The following RAP1GAP variants were observed in gnomAD, a reference collection of about 807,000 sequenced individuals.
RAP1GAP encodes the protein rap1 GTPase-activating protein 1.
A neutral mutation model predicts 87.2 loss-of-function variants in RAP1GAP; 35 were observed. That is an observed-to-expected ratio of 0.40 (90% CI 0.31 to 0.53). The LOEUF (loss-of-function observed/expected upper bound fraction) is 0.53, where lower values mean the gene tolerates loss of function less well. Ranked by LOEUF, RAP1GAP falls within the 20% of genes least tolerant of loss-of-function variation. The pLI is 0.48. For synonymous variants in RAP1GAP, 375 were observed against 363.9 expected (o/e 1.03, Z -0.35); for missense variants, 734 against 898.9 (o/e 0.82, Z 2.35).
chr1:21,652,379 C>T (rs1488634065), intron 1 of RAP1GAP, among the ~76,000 whole-genome samples: 3 of 152,340 alleles, frequency 2.0e-5, no homozygotes, highest in African/African-American at 7.2e-5. Context: ...GCGCTCGGCC[C>T]AGGCCCTGGC....
chr1:21,598,471 T>C lies in RAP1GAP; in HGVS notation c.1808A>G (p.Lys603Arg), dbSNP rs369549227. The change falls in exon 22 of 25, where the codon AAG (lysine) becomes AGG (arginine). Residue 603 changes from lysine to arginine, a missense_variant. Transcript: ENST00000374765. ...CGTGCTATAGATGAAGGAGTCCCGC[T>C]TGTGGGGTGTTCCTGAGGATGACAC... Reference protein sequence around the residue: ...ESVSSSGTPHKRDSFIYSTWL... With the variant: ...ESVSSSGTPHRRDSFIYSTWL... 8.7e-6 allele frequency: 14 copies of C among 1,613,828 alleles called. No individual in the cohort carries two copies. Among genetic ancestry groups the C allele is most frequent in the Non-Finnish European group, 1.2e-5 (14 of 1,179,848 alleles).
intron 2 of RAP1GAP, among the ~76,000 whole-genome samples, chr1:21,648,134 A>G (rs922619181): frequency 1.3e-5 from 2 of 152,178 alleles, no homozygotes; most frequent in Admixed American, 6.5e-5. Context: ...CGGGCAAGGC[A>G]TTTTGGGTAA....
chr1:21,611,611 A>G (rs2078365812), intron 12 of RAP1GAP, 30 bp from the exon 13 acceptor site: 8 of 1,613,830 alleles, frequency 5.0e-6, no homozygotes, highest in African/African-American at 1.3e-5. Flanking sequence ...GCCACGCCTC[A>G]GTCTCCAGCC....
intron 17 of RAP1GAP, 34 bp downstream of exon 17, chr1:21,608,179 T>C: frequency 6.2e-7 from 1 of 1,610,274 alleles, no homozygotes; most frequent in Non-Finnish European, 8.5e-7. Flanking sequence ...GCCACGTCCC[T>C]GCTCCCCGGC....
intron 5 of RAP1GAP, 98 bp from the exon 6 acceptor site, chr1:21,618,070 G>A (rs570833823): frequency 3.3e-5 from 48 of 1,451,630 alleles, no homozygotes; most frequent in African/African-American, 1.7e-4. Flanking sequence ...CTGAGAGTGC[G>A]GATGGGGCCC....
rs200181937 is a variant in RAP1GAP, at chr1:21,609,670, T to C, written c.1000-24A>G. 5 of 1,539,264 alleles carry C rather than the reference T, an allele frequency of 3.2e-6. No homozygotes were observed. The highest frequency in any genetic ancestry group is 1.4e-5 in the African/African-American group (1 of 72,286). ...ACCTGGAAGGGAGGGCAGCTGTCTG[T>C]TCCTGTGGAGCCTGGGGTCTGCTCT... On this transcript the variant is annotated intron_variant, in intron 14 of 24. Transcript: ENST00000374765. This position sits in a 1 kb window ranked among gnomAD's most constrained non-coding sequence, Gnocchi z 4.4.
chr1:21,624,602 C>T (rs2090942089), intron 3 of RAP1GAP, among the ~76,000 whole-genome samples: 1 of 152,100 alleles, frequency 6.6e-6, no homozygotes, highest in Non-Finnish European at 1.5e-5. Flanking sequence ...CATTCAGTCT[C>T]TCTAGCCCCT....
At chr1:21,605,914 T>A in intron 18 of RAP1GAP, 152 bp downstream of exon 18, 1 of 1,017,480 alleles carries the variant, frequency 9.8e-7, no homozygotes, top group Non-Finnish European at 1.4e-6. Flanking sequence ...CCCCCTCCCA[T>A]GGAAAGTAGT....
intron 18 of RAP1GAP, among the ~76,000 whole-genome samples, chr1:21,605,825 G>T (rs1235441985): frequency 6.6e-6 from 1 of 152,262 alleles, no homozygotes; most frequent in Non-Finnish European, 1.5e-5. Flanking sequence ...GCCAGGAGGA[G>T]GGGAGGGCCA....
chr1:21,610,920 G>C (rs949239411), intron 13 of RAP1GAP, among the ~76,000 whole-genome samples: 3 of 152,230 alleles, frequency 2.0e-5, no homozygotes, highest in Non-Finnish European at 4.4e-5. Flanking sequence ...TGGGAAGGCA[G>C]ATAGCCCTGT....
In RAP1GAP at chr1:21,622,781, A is replaced by T. The variant is rs1049419375; in HGVS notation, c.-18-2731T>A. 1.2e-4 allele frequency: 18 copies of T among 151,636 alleles called. No individual in the cohort carries two copies. The highest frequency in any genetic ancestry group is 3.9e-4 in the Admixed American group (6 of 15,278). 9.4% of individuals were successfully genotyped at this position (151,636 alleles called of 1,614,324 possible). On this transcript the variant is annotated intron_variant, in intron 3 of 24. Coordinates refer to ENST00000374765, the MANE Select transcript of RAP1GAP (RefSeq NM_002885.4). The surrounding 1 kb of genome is among the most constrained non-coding windows in gnomAD (Gnocchi z 5.7). ...GTTCTCCCCAGCGCGCCCCCACCTCACTTTCTCCATCTTCCCAGGCTCTGG... is the reference window on the plus strand; with the variant it reads ...GTTCTCCCCAGCGCGCCCCCACCTCTCTTTCTCCATCTTCCCAGGCTCTGG...
Position 21,634,145 on chromosome 1 carries a change from C to T in RAP1GAP, c.-112-7748G>A, listed in dbSNP as rs1266463242. On this transcript the variant is annotated intron_variant, in intron 2 of 24. Transcript: ENST00000374765. The surrounding 1 kb of genome is among the most constrained non-coding windows in gnomAD (Gnocchi z 4.1). Reference sequence around the variant, plus strand: ...TCCCCTTGGCTTGCCCCTGTCCCTGCCAAAGTGCCAGGGAAGGTGGCCGGG... The same window carrying T: ...TCCCCTTGGCTTGCCCCTGTCCCTGTCAAAGTGCCAGGGAAGGTGGCCGGG... Among the ~76,000 whole-genome samples the T allele has an allele frequency of 6.6e-6, 1 of 151,840 alleles. No individual in the cohort carries two copies. The highest frequency in any genetic ancestry group is 2.4e-5 in the African/African-American group (1 of 41,306).
intron 2 of RAP1GAP, among the ~76,000 whole-genome samples, chr1:21,641,809 C>T (rs963872292): frequency 3.3e-5 from 5 of 152,182 alleles, no homozygotes; most frequent in East Asian, 1.9e-4. Context: ...ACTAGAACCC[C>T]AGCACATCAG....
intron 7 of RAP1GAP, among the ~76,000 whole-genome samples, chr1:21,616,603 C>T (rs2082327804): frequency 6.6e-6 from 1 of 152,232 alleles, no homozygotes; most frequent in Admixed American, 6.5e-5. Flanking sequence ...CAGCACCCGG[C>T]CTGCAACCTG....
chr1:21,638,155 A>G (rs1407868353), intron 2 of RAP1GAP, among the ~76,000 whole-genome samples: 1 of 149,108 alleles, frequency 6.7e-6, no homozygotes, highest in African/African-American at 2.5e-5. Context: ...TATTAAAAAA[A>G]AAAAAAAGAA....
intron 2 of RAP1GAP, among the ~76,000 whole-genome samples, chr1:21,643,314 C>T (rs773230279): frequency 6.6e-6 from 1 of 152,074 alleles, no homozygotes; most frequent in Non-Finnish European, 1.5e-5. Flanking sequence ...AATCCTAGCA[C>T]CTTGGGAGGC....
chr1:21,649,734 G>A, intron 2 of RAP1GAP, 27 bp downstream of exon 2: 4 of 1,550,818 alleles, frequency 2.6e-6, no homozygotes, highest in Non-Finnish European at 3.5e-6. Context: ...GGAAACCCAG[G>A]CCCTCCTGAG....
intron 2 of RAP1GAP, among the ~76,000 whole-genome samples, chr1:21,628,330 A>G (rs959543899): frequency 1.4e-5 from 2 of 145,362 alleles, no homozygotes; most frequent in Non-Finnish European, 3.0e-5. Flanking sequence ...AGGCGGGCAG[A>G]TCACCTGAGG....
Position 21,609,873 on chromosome 1 carries a change from C to G in RAP1GAP, c.1000-227G>C, listed in dbSNP as rs571716174. 7.9e-5 allele frequency among the ~76,000 whole-genome samples: 12 copies of G among 152,178 alleles called. No homozygotes were observed. The highest frequency in any genetic ancestry group is 5.9e-4 in the Admixed American group (9 of 15,284). On this transcript the variant is annotated intron_variant, in intron 14 of 24. Coordinates refer to ENST00000374765, the MANE Select transcript of RAP1GAP (RefSeq NM_002885.4). This position sits in a 1 kb window ranked among gnomAD's most constrained non-coding sequence, Gnocchi z 4.4. ...TTAGGAATCATCGGGATGGTGAAGG[C>G]AGAGGAGGCTACGGGAGGTGGAGGA... is the stretch of plus-strand genomic sequence containing the variant.
Sources: gnomAD v4.1 joint callset for allele counts (sites outside exome capture counted in the v4.1 genomes callset) on GRCh38, gnomAD v4.1.1 for gene constraint, Gnocchi (gnomAD v3.1) non-coding constraint, MANE v1.5 for transcripts, NCBI Gene and HGNC (gene_info 2026-07-23, HGNC 2026-07-21) for gene names.